The following TRIP12 variants were observed in gnomAD, a reference collection of about 807,000 sequenced individuals.
TRIP12 encodes thyroid hormone receptor interactor 12.
In TRIP12, 25 loss-of-function variants were observed where a neutral mutation model predicts 244.2. The observed-to-expected ratio is 0.10, with a 90% CI of 0.07 to 0.14. TRIP12 has a LOEUF of 0.14. TRIP12 is among the 10% of genes least tolerant of loss of function. The probability of loss-of-function intolerance (pLI) is 1.00; values close to 1 mark genes in which losing one functional copy is unlikely to be tolerated. For synonymous variants in TRIP12, 905 were observed against 873.1 expected, an observed-to-expected ratio of 1.04 and a Z score of -0.64; for missense variants, 1,677 against 2,486.4, an observed-to-expected ratio of 0.67 and a Z score of 6.92.
chr2:229,843,953 C>T (rs2057050239), intron 4 of TRIP12, among the ~76,000 whole-genome samples: 5 of 151,234 alleles, frequency 3.3e-5, no homozygotes. Flanking sequence ...ACATGTATTC[C>T]TAATTAAAAA....
intron 32 of TRIP12, 109 bp from the exon 33 acceptor site, chr2:229,787,770 G>C (rs970169075): frequency 4.8e-6 from 5 of 1,041,360 alleles, no homozygotes. Context: ...ATAGAAAATT[G>C]TAAATAAAAT....
At chr2:229,784,426 T>A (rs13390727) in intron 34 of TRIP12, among the ~76,000 whole-genome samples, 30,746 of 148,120 alleles carry the variant, frequency 0.21, 3,854 homozygotes, top group African/African-American at 0.35. Flanking sequence ...AAGCCAAAAC[T>A]ATAAAACTTC....
At chr2:229,874,907 T>G (rs1330720022) in intron 2 of TRIP12, among the ~76,000 whole-genome samples, 1 of 152,202 alleles carries the variant, frequency 6.6e-6, no homozygotes, top group South Asian at 2.1e-4. Flanking sequence ...ATCCTACCAC[T>G]GCCACTTGAG....
chr2:229,880,189 A>G (rs2064529900), intron 1 of TRIP12, 61 bp from the exon 2 acceptor site: 3 of 1,060,824 alleles, frequency 2.8e-6, no homozygotes, highest in Non-Finnish European at 4.1e-6. Flanking sequence ...TGGAAAAGAA[A>G]TGAGGGGAAC....
intron 1 of TRIP12, among the ~76,000 whole-genome samples, chr2:229,885,246 G>C (rs1319734964): frequency 6.6e-6 from 1 of 151,998 alleles, no homozygotes; most frequent in Admixed American, 6.6e-5. Flanking sequence ...AATTTCTTAC[G>C]GACTTATTTA....
chr2:229,865,358 A>T (rs1223968713), intron 2 of TRIP12, among the ~76,000 whole-genome samples: 1 of 143,624 alleles, frequency 7.0e-6, no homozygotes, highest in Non-Finnish European at 1.5e-5. Context: ...GAAAGAAAGC[A>T]AAATGCTGTC....
intron 1 of TRIP12, among the ~76,000 whole-genome samples, chr2:229,886,462 T>G (rs1028461251): frequency 6.6e-6 from 1 of 150,520 alleles, no homozygotes; most frequent in Non-Finnish European, 1.5e-5. Flanking sequence ...CATGTAAAAA[T>G]AGCATTTTTT....
intron 23 of TRIP12, 115 bp from the exon 24 acceptor site, chr2:229,797,946 T>C: frequency 1.8e-6 from 2 of 1,086,994 alleles, no homozygotes; most frequent in South Asian, 3.6e-5. Context: ...TGCTTACAGT[T>C]TAAAAACTCC....
chr2:229,860,490 G>A lies in TRIP12; in HGVS notation c.140C>T (p.Pro47Leu). ...CTTAGAATTAGATTTTCTACTCTCA[G>A]GAGGGCTATATCCCTTATGTTTTGC... ...GQAKHKGYSPPESRKSNSKAP... is the reference protein window; with the variant it reads ...GQAKHKGYSPLESRKSNSKAP... Residue 47 changes from proline to leucine, a missense_variant, in exon 3 of 42, where the codon CCT becomes CTT. By Grantham distance (98) the Pro-to-Leu change is moderately conservative. This residue lies in a region of TRIP12 where 387 missense variants were observed against 392.6 expected (regional missense o/e 0.99). Coordinates refer to ENST00000675903, the MANE Select transcript of TRIP12 (RefSeq NM_001348323.3). 2 of 1,611,978 alleles carry A rather than the reference G, an allele frequency of 1.2e-6. No individual in the cohort carries two copies. The highest frequency in any genetic ancestry group is 1.7e-6 in the Non-Finnish European group (2 of 1,179,364).
In TRIP12 at chr2:229,791,185, G is replaced by A. The variant is rs1313574526; in HGVS notation, c.4482C>T (p.Ala1494=). 6.2e-7 allele frequency: 1 copy of A among 1,613,964 alleles called. No homozygotes were observed. Among genetic ancestry groups the A allele is most frequent in the Admixed American group, 1.7e-5 (1 of 60,012 alleles). The change falls in exon 30 of 42, where the codon GCC becomes GCT. Residue 1494 remains alanine (A), a synonymous_variant. Transcript: ENST00000675903. ...GGGAAGTTTTCGTTGGAGCTGTTTG[G>A]GCTCTTCCTCTTTTACCACCAACAC... ...KDCVGGKRGR[A]QTAPTKTSPR... is the part of the protein sequence containing the mutation.
intron 4 of TRIP12, among the ~76,000 whole-genome samples, chr2:229,854,380 T>C (rs1487226632): frequency 2.0e-5 from 3 of 152,220 alleles, no homozygotes; most frequent in Non-Finnish European, 4.4e-5. Context: ...GATCCCCCAT[T>C]CTCAAAATGC....
At chr2:229,869,220 T>C (rs2062091533) in intron 2 of TRIP12, among the ~76,000 whole-genome samples, 1 of 152,180 alleles carries the variant, frequency 6.6e-6, no homozygotes, top group South Asian at 2.1e-4. Context: ...CAACCCTTCC[T>C]TACTCCAATC....
intron 26 of TRIP12, 116 bp from the exon 27 acceptor site, chr2:229,793,261 G>C (rs745392825): frequency 1.0e-6 from 1 of 1,000,448 alleles, no homozygotes; most frequent in Non-Finnish European, 1.4e-6. Context: ...CTAGTACTAA[G>C]CATTTACTTA....
At chr2:229,864,195 T>G (rs1051308195) in intron 2 of TRIP12, among the ~76,000 whole-genome samples, 1 of 152,140 alleles carries the variant, frequency 6.6e-6, no homozygotes, top group Non-Finnish European at 1.5e-5. Context: ...GGCTGATATG[T>G]TAAAAATAAG....
chr2:229,786,257 C>T (rs72987377), intron 33 of TRIP12, among the ~76,000 whole-genome samples: 25,762 of 152,090 alleles, frequency 0.17, 2,774 homozygotes, highest in Middle Eastern at 0.26. Flanking sequence ...AGCTGGAAAC[C>T]TACTGGCTCT....
At chr2:229,829,412 GACTTTTAAGAGAAGCTACAA>G (rs1460988726) in intron 7 of TRIP12, 124 bp from the exon 8 acceptor site, 1 of 704,330 alleles carries the variant, frequency 1.4e-6, no homozygotes, top group Non-Finnish European at 2.3e-6. Context: ...TTGCTTTCTG[GACTTTTAAGAGAAGCTACAA>G]ACTTTCAAGA....
chr2:229,811,952 G>A (rs1293586835), intron 13 of TRIP12, among the ~76,000 whole-genome samples: 1 of 152,086 alleles, frequency 6.6e-6, no homozygotes, highest in Non-Finnish European at 1.5e-5. Flanking sequence ...AAGAAAGAGT[G>A]CTACAAATTG....
At chr2:229,803,858 A>G in intron 19 of TRIP12, 141 bp downstream of exon 19, 1 of 848,498 alleles carries the variant, frequency 1.2e-6, no homozygotes, top group South Asian at 1.9e-5. Context: ...CTATTATGTG[A>G]ATATAAATAG....
At chr2:229,880,789 CA>C (rs1208127906) in intron 1 of TRIP12, among the ~76,000 whole-genome samples, 1 of 152,044 alleles carries the variant, frequency 6.6e-6, no homozygotes, top group African/African-American at 2.4e-5. Flanking sequence ...ACTGAAAATA[CA>C]AAAATTAGCC....
Sources: allele counts gnomAD v4.1 joint callset (sites outside exome capture counted in the v4.1 genomes callset), GRCh38; gene constraint gnomAD v4.1.1; regional missense constraint gnomAD v4.1.1; transcripts MANE v1.5; gene names NCBI Gene and HGNC (gene_info 2026-07-23, HGNC 2026-07-21).